The following KCNH8 variants were observed in gnomAD, a reference collection of about 807,000 sequenced individuals.
KCNH8 encodes the protein potassium voltage-gated channel subfamily H member 8, also known as voltage-gated delayed rectifier potassium channel KCNH8.
In KCNH8, 70 loss-of-function variants were observed where a neutral mutation model predicts 103.6. The ratio of observed to expected loss-of-function variants is 0.68; its 90% confidence interval spans 0.56 to 0.82. The LOEUF is 0.82. Ranked by LOEUF, KCNH8 falls within the 40% of genes least tolerant of loss-of-function variation. The pLI, the probability that KCNH8 is intolerant of heterozygous loss-of-function variation, is 0.00. For synonymous variants in KCNH8, 498 were observed against 489.4 expected (o/e 1.02, Z -0.23); for missense variants, 1,217 against 1,329.9 (o/e 0.92, Z 1.32).
At chr3:19,468,367 C>A (rs1427536905) in intron 11 of KCNH8, among the ~76,000 whole-genome samples, 1 of 152,148 alleles carries the variant, frequency 6.6e-6, no homozygotes, top group Non-Finnish European at 1.5e-5. Context: ...AAGACAGCGG[C>A]CTCTATGGCC....
chr3:19,298,688 C>T (rs59892926), intron 3 of KCNH8, among the ~76,000 whole-genome samples: 159 of 151,834 alleles, frequency 1.0e-3, no homozygotes, highest in African/African-American at 3.6e-3. Context: ...TTTGGGAGTC[C>T]GAGGCGGGCG....
chr3:19,534,088 A>G lies in KCNH8; in HGVS notation c.3313A>G (p.Ile1105Val), dbSNP rs753770286. Reference protein sequence around the residue: ...STAEVKDNKAINV With the variant: ...STAEVKDNKAVNV The stretch of plus-strand genomic sequence containing the variant: ...AGCAGAAGTGAAAGATAACAAAGCC[A>G]TAAATGTATGATATTAGTGCCCATG... Residue 1105 changes from isoleucine to valine, a missense_variant, in exon 16 of 16, where the codon ATA becomes GTA. This residue lies in a region of KCNH8 where 558 missense variants were observed against 495.8 expected (regional missense o/e 1.13). Transcript: ENST00000328405. 1 of 1,612,622 alleles carries G rather than the reference A, an allele frequency of 6.2e-7. No individual in the cohort carries two copies. The highest frequency in any genetic ancestry group is 1.1e-5 in the South Asian group (1 of 90,990).
intron 3 of KCNH8, among the ~76,000 whole-genome samples, chr3:19,326,273 A>G (rs768481176): frequency 5.9e-5 from 9 of 151,372 alleles, no homozygotes; most frequent in Non-Finnish European, 1.2e-4. Context: ...AATCTGCACA[A>G]CAACCCGTGC....
intron 1 of KCNH8, among the ~76,000 whole-genome samples, chr3:19,164,054 C>T (rs977415112): frequency 6.6e-6 from 1 of 152,100 alleles, no homozygotes; most frequent in African/African-American, 2.4e-5. Flanking sequence ...GAGGGAGGTG[C>T]CCCTAGTTCA....
chr3:19,182,294 C>T (rs1381581864), intron 1 of KCNH8, among the ~76,000 whole-genome samples: 2 of 151,648 alleles, frequency 1.3e-5, no homozygotes, highest in African/African-American at 2.4e-5. Flanking sequence ...TTTCGGAGGC[C>T]GACGGGGGCA....
intron 4 of KCNH8, among the ~76,000 whole-genome samples, chr3:19,343,438 C>T (rs954990328): frequency 6.6e-6 from 1 of 152,060 alleles, no homozygotes; most frequent in African/African-American, 2.4e-5. Flanking sequence ...TAAGACTTCA[C>T]TGAGAAACCT....
At chr3:19,497,659 T>A (rs1001263205) in intron 11 of KCNH8, among the ~76,000 whole-genome samples, 1 of 152,152 alleles carries the variant, frequency 6.6e-6, no homozygotes. Flanking sequence ...TTATGTCTGA[T>A]TTTGTGGTTG....
At chr3:19,437,254 TTATAAAA>T (rs1428977414) in intron 7 of KCNH8, among the ~76,000 whole-genome samples, 2 of 150,876 alleles carry the variant, frequency 1.3e-5, no homozygotes, top group African/African-American at 2.5e-5. Context: ...AGAGAAAGAA[TTATAAAA>T]TATAAAATCT....
intron 7 of KCNH8, among the ~76,000 whole-genome samples, chr3:19,402,154 T>A (rs553490815): frequency 6.6e-6 from 1 of 151,942 alleles, no homozygotes; most frequent in Non-Finnish European, 1.5e-5. Flanking sequence ...TCTGAAGAAA[T>A]TGATTAAACT....
intron 7 of KCNH8, among the ~76,000 whole-genome samples, chr3:19,418,788 T>G (rs895072852): frequency 3.3e-4 from 50 of 152,254 alleles, no homozygotes; most frequent in Non-Finnish European, 1.5e-4. Context: ...AAAGTGATTT[T>G]CTTCACAATC....
At chr3:19,452,623 TA>T (rs747383068) in intron 10 of KCNH8, among the ~76,000 whole-genome samples, 2 of 152,152 alleles carry the variant, frequency 1.3e-5, no homozygotes, top group African/African-American at 4.8e-5. Flanking sequence ...AACACCAATA[TA>T]AAACACAATA....
intron 7 of KCNH8, among the ~76,000 whole-genome samples, chr3:19,402,413 G>C (rs576827827): frequency 1.3e-5 from 2 of 151,706 alleles, no homozygotes; most frequent in South Asian, 4.1e-4. Context: ...GATTATTCTC[G>C]CTACAAAATG....
intron 6 of KCNH8, among the ~76,000 whole-genome samples, chr3:19,394,603 C>T (rs1409479122): frequency 2.0e-5 from 3 of 152,006 alleles, no homozygotes; most frequent in Admixed American, 1.3e-4. Context: ...GCAGAACTTA[C>T]TCAAGTTTTA....
intron 11 of KCNH8, among the ~76,000 whole-genome samples, chr3:19,482,912 T>C (rs1260938933): frequency 6.6e-6 from 1 of 152,220 alleles, no homozygotes; most frequent in African/African-American, 2.4e-5. Context: ...TTAGTGATTA[T>C]TTCTAAGACA....
chr3:19,511,115 G>C (rs958421318), intron 12 of KCNH8, among the ~76,000 whole-genome samples: 99 of 152,010 alleles, frequency 6.5e-4, no homozygotes, highest in African/African-American at 2.3e-3. Context: ...ACCTACATTA[G>C]GTATTTCTCC....
At chr3:19,397,970 G>T (rs1696293053) in intron 7 of KCNH8, among the ~76,000 whole-genome samples, 1 of 151,828 alleles carries the variant, frequency 6.6e-6, no homozygotes, top group Non-Finnish European at 1.5e-5. Flanking sequence ...CCTGTAATCT[G>T]TGCACTAATG....
chr3:19,216,297 ACTT>A (rs1440664146), intron 1 of KCNH8, among the ~76,000 whole-genome samples: 1 of 152,248 alleles, frequency 6.6e-6, no homozygotes, highest in African/African-American at 2.4e-5. Context: ...AGGCTGGCCT[ACTT>A]CTCCATCAGG....
At chr3:19,270,397 T>C (rs2064571401) in intron 2 of KCNH8, among the ~76,000 whole-genome samples, 1 of 152,210 alleles carries the variant, frequency 6.6e-6, no homozygotes, top group Non-Finnish European at 1.5e-5. Context: ...TGTATTTTTT[T>C]CTGTTGTAGG....
chr3:19,368,607 G>C (rs554285969), intron 5 of KCNH8, among the ~76,000 whole-genome samples: 1 of 151,938 alleles, frequency 6.6e-6, no homozygotes, highest in East Asian at 1.9e-4. Context: ...TCAAGAGACC[G>C]TCCTCAAATA....
Sources: allele counts gnomAD v4.1 joint callset (sites outside exome capture counted in the v4.1 genomes callset), GRCh38; gene constraint gnomAD v4.1.1; regional missense constraint gnomAD v4.1.1; transcripts MANE v1.5; gene names NCBI Gene and HGNC (gene_info 2026-07-23, HGNC 2026-07-21).